Variants in UGT1A10 observed in about 807,000 individuals in gnomAD.
UGT1A10 encodes UDP glucuronosyltransferase family 1 member A10.
A neutral mutation model predicts 45.8 loss-of-function variants in UGT1A10; 49 were observed. The ratio of observed to expected loss-of-function variants is 1.07; its 90% confidence interval spans 0.85 to 1.36. The LOEUF (loss-of-function observed/expected upper bound fraction) is 1.36. Ranked by LOEUF, UGT1A10 falls within the 40% of genes most tolerant of loss-of-function variation. The probability of loss-of-function intolerance (pLI) is 0.00; values close to 1 mark genes in which losing one functional copy is unlikely to be tolerated. For missense variants in UGT1A10, 745 were observed against 668.6 expected (o/e 1.11, Z -1.26); for synonymous variants, 284 against 249.7 (o/e 1.14, Z -1.29).
rs1699273514 is a variant in UGT1A10, at chr2:233,766,902, T to A, written c.856-132T>A. Reference sequence around the variant, plus strand: ...CTGTAAAACTTACATATTAATAATTTTTTACTCTATCTCAAACACGCATGC... The same window carrying A: ...CTGTAAAACTTACATATTAATAATTATTTACTCTATCTCAAACACGCATGC... On this transcript the variant is annotated intron_variant, in intron 1 of 4. Coordinates refer to ENST00000344644, the MANE Select transcript of UGT1A10 (RefSeq NM_019075.4). 3.3e-6 allele frequency: 5 copies of A among 1,493,272 alleles called. No individual in the cohort carries two copies. The South Asian group carries it at 6.7e-5, about 20-fold the overall frequency. The allele number at this position is 1,493,272 out of a possible 1,614,324, so 92.5% of individuals were successfully genotyped here.
chr2:233,672,915 AT>A, intron 1 of UGT1A10: 1 of 1,501,300 alleles, frequency 6.7e-7, no homozygotes, highest in East Asian at 2.3e-5. Context: ...AGTTTAACAA[AT>A]TATTTTGTGC....
chr2:233,671,485 T>A (rs1330476452), intron 1 of UGT1A10, among the ~76,000 whole-genome samples: 1 of 152,206 alleles, frequency 6.6e-6, no homozygotes, highest in Non-Finnish European at 1.5e-5. Flanking sequence ...TTGTTTTCTT[T>A]GCTTAGAGCA....
At chr2:233,682,556 G>A (rs2125523807) in intron 1 of UGT1A10, 4 of 1,613,932 alleles carry the variant, frequency 2.5e-6, no homozygotes, top group East Asian at 4.5e-5. Context: ...CAAGGAGAGA[G>A]TATGGAACCA....
chr2:233,747,584 T>G (rs1693721296), intron 1 of UGT1A10: 1 of 1,580,584 alleles, frequency 6.3e-7, no homozygotes, highest in African/African-American at 1.4e-5. Context: ...CTTTGGTCTT[T>G]CATAGGTCTT....
intron 1 of UGT1A10, among the ~76,000 whole-genome samples, chr2:233,655,806 C>A (rs17864680): frequency 6.6e-6 from 1 of 152,168 alleles, no homozygotes; most frequent in African/African-American, 2.4e-5. Context: ...TGAGCCCCAG[C>A]CATTCTCTTA....
intron 1 of UGT1A10, among the ~76,000 whole-genome samples, chr2:233,678,850 G>A (rs1449791470): frequency 6.6e-6 from 1 of 152,242 alleles, no homozygotes; most frequent in South Asian, 2.1e-4. Context: ...CCAACATTTT[G>A]TTGCTGTATC....
chr2:233,672,694 C>T (rs772500318), intron 1 of UGT1A10: 59 of 1,613,794 alleles, frequency 3.7e-5, no homozygotes, highest in Middle Eastern at 1.6e-4. Context: ...TTGGTTGTTG[C>T]GAACGGACTT....
intron 1 of UGT1A10, among the ~76,000 whole-genome samples, chr2:233,745,355 T>A (rs1693086432): frequency 6.6e-6 from 1 of 151,846 alleles, no homozygotes; most frequent in African/African-American, 2.4e-5. Context: ...TTGGGGGAAT[T>A]TTTTTGAGAT....
At position 233,637,099 on chromosome 2, in the gene UGT1A10, G is replaced by T. The variant is rs772294341; in HGVS notation, c.577G>T (p.Asp193Tyr). The change falls in exon 1 of 5, where the codon GAT (aspartate) becomes TAT (tyrosine). Residue 193 changes from aspartate (D) to tyrosine (Y), a missense_variant. Coordinates refer to ENST00000344644, the MANE Select transcript of UGT1A10 (RefSeq NM_019075.4). ...CPAPLSYVPN[D>Y]LLGFSDAMTF... ...TGCTCCTCTTTCCTATGTCCCCAATGATCTCTTAGGGTTCTCAGATGCCAT... is the reference window on the plus strand; with the variant it reads ...TGCTCCTCTTTCCTATGTCCCCAATTATCTCTTAGGGTTCTCAGATGCCAT... 4 of 1,613,908 alleles carry T rather than the reference G, an allele frequency of 2.5e-6. No individual in the cohort carries two copies. The highest frequency in any genetic ancestry group is 1.3e-5 in the African/African-American group (1 of 75,014).
chr2:233,696,068 A>T (rs1471650951), intron 1 of UGT1A10, among the ~76,000 whole-genome samples: 1 of 152,218 alleles, frequency 6.6e-6, no homozygotes, highest in Non-Finnish European at 1.5e-5. Context: ...TACAGCCACT[A>T]TGAAGAACAG....
chr2:233,672,375 C>T (rs200266032), intron 1 of UGT1A10: 29 of 1,613,944 alleles, frequency 1.8e-5, no homozygotes, highest in Admixed American at 5.0e-5. Flanking sequence ...CAGTGTTTCT[C>T]GATCCTTTTG....
chr2:233,668,191 G>GCTATC (rs2074116052), intron 1 of UGT1A10, among the ~76,000 whole-genome samples: 1 of 152,064 alleles, frequency 6.6e-6, no homozygotes, highest in South Asian at 2.1e-4. Context: ...TTTTCCTAAT[G>GCTATC]CTATCCCTCC....
At chr2:233,691,098 G>A (rs576470631) in intron 1 of UGT1A10, 8 of 986,052 alleles carry the variant, frequency 8.1e-6, no homozygotes, top group African/African-American at 1.7e-5. Context: ...TCTTGATCCC[G>A]CTATTCCTAC....
intron 1 of UGT1A10, among the ~76,000 whole-genome samples, chr2:233,757,766 G>A (rs1169168407): frequency 6.6e-6 from 1 of 151,746 alleles, no homozygotes; most frequent in Admixed American, 6.6e-5. Context: ...TGCTCCTTTA[G>A]TAATAAGCCT....
intron 1 of UGT1A10, among the ~76,000 whole-genome samples, chr2:233,638,488 T>C (rs1456885655): frequency 6.6e-6 from 1 of 152,190 alleles, no homozygotes; most frequent in Non-Finnish European, 1.5e-5. Context: ...TTCTTTTGCT[T>C]TGCTGGAGCA....
rs187355953 is a variant in UGT1A10 at position 233,736,029 on chromosome 2, T to A, written c.856-31005T>A. 5.3e-3 allele frequency among the ~76,000 whole-genome samples: 815 copies of A among 152,350 alleles called. 8 individuals are homozygous for A. The highest frequency in any genetic ancestry group is 0.019 in the African/African-American group (776 of 41,576). On this transcript the variant is annotated intron_variant, in intron 1 of 4. Transcript: ENST00000344644. ...CGAGGAGTATCTTTGTGGTGTTCTC[T>A]GTATTTCCTGAATTTGAATGTTGGC... is the stretch of plus-strand genomic sequence containing the variant.
intron 1 of UGT1A10, among the ~76,000 whole-genome samples, chr2:233,656,656 T>C (rs1482033653): frequency 6.6e-6 from 1 of 152,026 alleles, no homozygotes; most frequent in African/African-American, 2.4e-5. Flanking sequence ...CATCTCTATT[T>C]TAACACTAAA....
At chr2:233,646,586 A>G (rs2073609557) in intron 1 of UGT1A10, among the ~76,000 whole-genome samples, 1 of 152,170 alleles carries the variant, frequency 6.6e-6, no homozygotes, top group South Asian at 2.1e-4. Context: ...AAGTTCCACA[A>G]ATCACTAGGT....
intron 1 of UGT1A10, among the ~76,000 whole-genome samples, chr2:233,694,700 T>A (rs1054532656): frequency 1.3e-5 from 2 of 152,236 alleles, no homozygotes; most frequent in African/African-American, 4.8e-5. Context: ...CTTACCTCTC[T>A]TCTTTACACC....
Sources: gnomAD v4.1 joint callset for allele counts (sites outside exome capture counted in the v4.1 genomes callset) on GRCh38, gnomAD v4.1.1 for gene constraint, MANE v1.5 for transcripts, NCBI Gene and HGNC (gene_info 2026-07-23, HGNC 2026-07-21) for gene names.